Variants in GRID2 observed in about 807,000 individuals in gnomAD.
The protein encoded by GRID2 is glutamate ionotropic receptor delta type subunit 2.
A neutral mutation model predicts 114.8 loss-of-function variants in GRID2; 33 were observed. The ratio of observed to expected loss-of-function variants is 0.29; its 90% CI spans 0.22 to 0.38. GRID2 has a LOEUF of 0.38. Among genes scored for constraint, GRID2 ranks in the 10% least tolerant of loss-of-function variants. GRID2 has a pLI of 1.00. For missense variants in GRID2, 1,184 were observed against 1,257.7 expected, an observed-to-expected ratio of 0.94 and a Z score of 0.89; for synonymous variants, 505 against 449.9, an observed-to-expected ratio of 1.12 and a Z score of -1.55.
At chr4:92,875,433 G>A (rs1368076717) in intron 2 of GRID2, among the ~76,000 whole-genome samples, 1 of 152,026 alleles carries the variant, frequency 6.6e-6, no homozygotes, top group East Asian at 1.9e-4. Context: ...CAAAGTGGTG[G>A]GATTACAGGC....
intron 1 of GRID2, among the ~76,000 whole-genome samples, chr4:92,582,401 A>C (rs1728226009): frequency 6.6e-6 from 1 of 151,834 alleles, no homozygotes; most frequent in African/African-American, 2.4e-5. Flanking sequence ...TTGTTATTTA[A>C]ACTAAGGTTT....
chr4:92,768,068 T>C (rs1032318447), intron 2 of GRID2, among the ~76,000 whole-genome samples: 1 of 152,160 alleles, frequency 6.6e-6, no homozygotes, highest in Non-Finnish European at 1.5e-5. Context: ...CAATAAGACA[T>C]ATTGAGCAAT....
intron 1 of GRID2, among the ~76,000 whole-genome samples, chr4:92,353,796 A>G (rs775012660): frequency 2.0e-4 from 30 of 151,882 alleles, no homozygotes; most frequent in Non-Finnish European, 1.2e-4. Flanking sequence ...TCATTTCTCA[A>G]CATGTGTCAT....
intron 2 of GRID2, among the ~76,000 whole-genome samples, chr4:92,774,169 C>G (rs947503952): frequency 6.6e-6 from 1 of 152,058 alleles, no homozygotes; most frequent in East Asian, 1.9e-4. Context: ...TAAGACCTCA[C>G]TTTAAGCTCA....
intron 2 of GRID2, among the ~76,000 whole-genome samples, chr4:92,911,818 T>C (rs982346990): frequency 1.3e-5 from 2 of 151,736 alleles, no homozygotes; most frequent in African/African-American, 4.8e-5. Context: ...TAGTTGTTCA[T>C]GTGAATTTAG....
At chr4:92,993,578 T>C (rs905748707) in intron 2 of GRID2, among the ~76,000 whole-genome samples, 11 of 152,348 alleles carry the variant, frequency 7.2e-5, no homozygotes, top group Admixed American at 2.6e-4. Context: ...CCCATATTTC[T>C]CTTTCAATCT....
intron 2 of GRID2, among the ~76,000 whole-genome samples, chr4:92,810,945 C>T (rs182744207): frequency 2.5e-3 from 383 of 152,100 alleles, no homozygotes; most frequent in Middle Eastern, 6.8e-3. Flanking sequence ...GTGCACACCA[C>T]GCAATTTTTG....
intron 2 of GRID2, among the ~76,000 whole-genome samples, chr4:93,022,143 T>C (rs1723425682): frequency 6.6e-6 from 1 of 151,892 alleles, no homozygotes; most frequent in South Asian, 2.1e-4. Context: ...AATACATGTT[T>C]GTGTATATGT....
chr4:93,198,676 G>C (rs1012577992), intron 4 of GRID2, among the ~76,000 whole-genome samples: 1 of 152,066 alleles, frequency 6.6e-6, no homozygotes, highest in East Asian at 1.9e-4. Flanking sequence ...GGATGGGAAG[G>C]GTTTGACATT....
intron 2 of GRID2, among the ~76,000 whole-genome samples, chr4:92,904,233 C>T (rs566293614): frequency 6.6e-6 from 1 of 150,792 alleles, no homozygotes; most frequent in Non-Finnish European, 1.5e-5. Context: ...TTTAATGACT[C>T]CTGTATACTC....
intron 12 of GRID2, among the ~76,000 whole-genome samples, chr4:93,511,489 T>A (rs1257083855): frequency 2.6e-5 from 4 of 152,096 alleles, no homozygotes. Context: ...ATAATCTCAG[T>A]CAGGTGTCAA....
intron 2 of GRID2, among the ~76,000 whole-genome samples, chr4:93,055,580 A>G (rs902202576): frequency 6.6e-6 from 1 of 151,970 alleles, no homozygotes; most frequent in African/African-American, 2.4e-5. Context: ...ATAGCCTACC[A>G]AATCAAAACT....
At chr4:93,446,010 TTC>T in intron 10 of GRID2, among the ~76,000 whole-genome samples, 1 of 152,060 alleles carries the variant, frequency 6.6e-6, no homozygotes, top group Admixed American at 6.6e-5. Flanking sequence ...CCTAAGAAAT[TTC>T]TGTTTTTCAC....
At chr4:93,683,950 C>T (rs1314223230) in intron 14 of GRID2, among the ~76,000 whole-genome samples, 1 of 151,958 alleles carries the variant, frequency 6.6e-6, no homozygotes, top group Admixed American at 6.6e-5. Context: ...ATAGGGACCA[C>T]TGCAATGGGA....
At chr4:92,889,081 T>C (rs950026797) in intron 2 of GRID2, among the ~76,000 whole-genome samples, 3 of 152,164 alleles carry the variant, frequency 2.0e-5, no homozygotes, top group Non-Finnish European at 2.9e-5. Flanking sequence ...ATGGCCTGAA[T>C]AGATTCTTTG....
intron 8 of GRID2, among the ~76,000 whole-genome samples, chr4:93,283,536 T>C (rs920973614): frequency 3.3e-5 from 5 of 152,038 alleles, no homozygotes; most frequent in Non-Finnish European, 5.9e-5. Flanking sequence ...GGAATGTGTA[T>C]TTAAAAAATG....
At chr4:93,320,020 T>C (rs1015411006) in intron 8 of GRID2, among the ~76,000 whole-genome samples, 1 of 152,110 alleles carries the variant, frequency 6.6e-6, no homozygotes, top group Non-Finnish European at 1.5e-5. Flanking sequence ...CAATTTGTTA[T>C]ACAGCAATAA....
intron 1 of GRID2, among the ~76,000 whole-genome samples, chr4:92,313,084 T>C (rs1725789073): frequency 1.3e-4 from 1 of 7,456 alleles, no homozygotes; most frequent in South Asian, 2.6e-3. Context: ...CTCTGATATG[T>C]GTGTGTGTGT....
At chr4:92,539,584 A>G (rs569705333) in intron 1 of GRID2, among the ~76,000 whole-genome samples, 37 of 152,276 alleles carry the variant, frequency 2.4e-4, no homozygotes, top group African/African-American at 8.2e-4. Flanking sequence ...TTACAGATAG[A>G]AAAGTAAACT....
Sources: gnomAD v4.1 joint callset for allele counts (sites outside exome capture counted in the v4.1 genomes callset) on GRCh38, gnomAD v4.1.1 for gene constraint, MANE v1.5 for transcripts, NCBI Gene and HGNC (gene_info 2026-07-23, HGNC 2026-07-21) for gene names.